CPLX2: variants seen among roughly 807,000 people sequenced by gnomAD.
The protein encoded by CPLX2 is complexin 2.
CPLX2 carries 5 observed loss-of-function variants against 16.3 expected under a neutral mutation model. The observed-to-expected ratio is 0.31, with a 90% CI of 0.16 to 0.64. CPLX2 has a LOEUF of 0.64. Ranked by LOEUF, CPLX2 falls within the 30% of genes least tolerant of loss-of-function variation. The pLI is 0.79. For missense variants in CPLX2, 144 were observed against 181.4 expected (o/e 0.79, Z 1.18); for synonymous variants, 89 against 73.2 (o/e 1.22, Z -1.10).
chr5:175,874,450 C>T (rs1345904471), intron 1 of CPLX2, among the ~76,000 whole-genome samples: 1 of 152,154 alleles, frequency 6.6e-6, no homozygotes, highest in African/African-American at 2.4e-5. Context: ...TGTTCCCTGC[C>T]ACAGCCCCAG....
intron 2 of CPLX2, among the ~76,000 whole-genome samples, chr5:175,862,943 C>T (rs1205109741): frequency 2.0e-5 from 3 of 152,116 alleles, no homozygotes; most frequent in East Asian, 3.9e-4. Flanking sequence ...GTGACTACGG[C>T]GTGTTTTAAG....
chr5:175,843,557 G>A (rs191887024), intron 2 of CPLX2, among the ~76,000 whole-genome samples: 5 of 152,306 alleles, frequency 3.3e-5, no homozygotes, highest in African/African-American at 7.2e-5. Context: ...GTAAATGAAC[G>A]CAGGATCTCC....
chr5:175,866,869 T>A (rs1294682211), upstream of CPLX2, among the ~76,000 whole-genome samples: 3 of 152,030 alleles, frequency 2.0e-5, no homozygotes, highest in African/African-American at 7.3e-5. Flanking sequence ...GGCCAGGAGT[T>A]CAAGACTAGC....
chr5:175,859,695 T>C (rs1019196873), intron 2 of CPLX2, among the ~76,000 whole-genome samples: 12 of 152,254 alleles, frequency 7.9e-5, no homozygotes, highest in East Asian at 1.9e-4. Flanking sequence ...GTTTGGACTT[T>C]GGCAAATCTT....
chr5:175,834,886 A>G (rs1758799412), intron 2 of CPLX2, among the ~76,000 whole-genome samples: 1 of 152,182 alleles, frequency 6.6e-6, no homozygotes, highest in African/African-American at 2.4e-5. Context: ...AAACAAACAA[A>G]CAAACAAAAA....
chr5:175,808,349 G>A (rs548852857), intron 1 of CPLX2, among the ~76,000 whole-genome samples: 6 of 151,974 alleles, frequency 3.9e-5, no homozygotes, highest in Non-Finnish European at 5.9e-5. Flanking sequence ...CAATCTGCCC[G>A]GCCCCGTGCA....
intron 2 of CPLX2, among the ~76,000 whole-genome samples, chr5:175,852,037 C>T (rs1412590398): frequency 1.3e-5 from 2 of 152,158 alleles, no homozygotes; most frequent in Non-Finnish European, 2.9e-5. Context: ...AGAAGCTGCC[C>T]CAGCTGGAGC....
At chr5:175,822,289 T>C (rs1306560852) in intron 2 of CPLX2, among the ~76,000 whole-genome samples, 2 of 152,178 alleles carry the variant, frequency 1.3e-5, no homozygotes, top group African/African-American at 4.8e-5. Context: ...TAAGTCCCAC[T>C]CTCTAGCATC....
At chr5:175,842,872 G>T (rs763154912) in intron 2 of CPLX2, among the ~76,000 whole-genome samples, 3 of 152,304 alleles carry the variant, frequency 2.0e-5, no homozygotes, top group Admixed American at 6.5e-5. Flanking sequence ...AAGACCAGGG[G>T]CCCTAGAGGT....
chr5:175,831,106 G>A lies in CPLX2; in HGVS notation c.-89+22038G>A, dbSNP rs527309245. Among the ~76,000 whole-genome samples, 16 of 152,220 alleles carry A rather than the reference G, an allele frequency of 1.1e-4. No individual in the cohort carries two copies. In the East Asian group the frequency reaches 3.1e-3, roughly 29 times the overall value. Reference sequence around the variant, plus strand: ...TGCTGATGTCAGCTTGCCTCTGTGTGTGTGTGTGTGTCTCGGTACATCTGA... The same window carrying A: ...TGCTGATGTCAGCTTGCCTCTGTGTATGTGTGTGTGTCTCGGTACATCTGA... On this transcript the variant is annotated intron_variant, in intron 2 of 4. Transcript: ENST00000359546.
At chr5:175,864,665 A>G (rs1269690283) in intron 2 of CPLX2, among the ~76,000 whole-genome samples, 1 of 152,096 alleles carries the variant, frequency 6.6e-6, no homozygotes, top group South Asian at 2.1e-4. Context: ...CTTCTTGTAC[A>G]CCTTTGCCTA....
intron 2 of CPLX2, among the ~76,000 whole-genome samples, chr5:175,843,235 C>A (rs961265783): frequency 1.3e-5 from 2 of 152,240 alleles, no homozygotes; most frequent in Non-Finnish European, 2.9e-5. Flanking sequence ...CCTCCAGCCC[C>A]TCTCTCGAGC....
At chr5:175,835,703 T>TTTTA (rs139896610) in intron 2 of CPLX2, among the ~76,000 whole-genome samples, 79 of 144,668 alleles carry the variant, frequency 5.5e-4, no homozygotes, top group African/African-American at 1.7e-3. Context: ...TGTAAGTGGT[T>TTTTA]TTTATTTATT....
chr5:175,842,164 G>A (rs1758956001), intron 2 of CPLX2, among the ~76,000 whole-genome samples: 1 of 152,238 alleles, frequency 6.6e-6, no homozygotes, highest in African/African-American at 2.4e-5. Context: ...CAAAGCAGTG[G>A]CACAGCAGGC....
At chr5:175,820,235 A>G (rs1046057793) in intron 2 of CPLX2, among the ~76,000 whole-genome samples, 2 of 152,130 alleles carry the variant, frequency 1.3e-5, no homozygotes, top group Non-Finnish European at 2.9e-5. Context: ...CCTTGTGGGG[A>G]GAAATCACTG....
intron 2 of CPLX2, among the ~76,000 whole-genome samples, chr5:175,863,206 G>A (rs1297570468): frequency 6.6e-6 from 1 of 152,208 alleles, no homozygotes; most frequent in Non-Finnish European, 1.5e-5. Flanking sequence ...TGGTCACCTT[G>A]AGACCTAGAA....
At chr5:175,848,239 C>T (rs1339016518) in intron 2 of CPLX2, among the ~76,000 whole-genome samples, 1 of 152,144 alleles carries the variant, frequency 6.6e-6, no homozygotes, top group Admixed American at 6.5e-5. Flanking sequence ...GGAGTGTCCC[C>T]AGCATGTACA....
At chr5:175,854,653 C>G (rs1295301184) in intron 2 of CPLX2, among the ~76,000 whole-genome samples, 1 of 152,078 alleles carries the variant, frequency 6.6e-6, no homozygotes, top group Non-Finnish European at 1.5e-5. Flanking sequence ...AGACACTGCC[C>G]CATCTTCAAA....
At position 175,805,244 on chromosome 5, in the gene CPLX2, A is replaced by T. The variant is rs541489338; in HGVS notation, c.-168-3745A>T. 3.9e-5 allele frequency among the ~76,000 whole-genome samples: 6 copies of T among 152,312 alleles called. No individual in the cohort carries two copies. The East Asian group carries it at 9.6e-4, about 24-fold the overall frequency. ...TCAGCCAACCCTAATAACCCTTTTG[A>T]GTAAGCATAAGATATATCCATTTTT... On this transcript the variant is annotated intron_variant, in intron 1 of 4. Transcript: ENST00000359546.
Sources: gnomAD v4.1 joint callset for allele counts (sites outside exome capture counted in the v4.1 genomes callset) on GRCh38, gnomAD v4.1.1 for gene constraint, MANE v1.5 for transcripts, NCBI Gene and HGNC (gene_info 2026-07-23, HGNC 2026-07-21) for gene names.